The following STK33 variants were observed in gnomAD, a reference collection of about 807,000 sequenced individuals.
The protein encoded by STK33 is serine/threonine-protein kinase 33.
In STK33, 52 loss-of-function variants were observed where a neutral mutation model predicts 58.0. The observed-to-expected ratio is 0.90, with a 90% CI of 0.72 to 1.13. The LOEUF (loss-of-function observed/expected upper bound fraction) is 1.13. Among genes scored for constraint, STK33 ranks in the 50% most tolerant of loss-of-function variants. STK33 has a pLI of 0.00. For synonymous variants in STK33, 215 were observed against 200.1 expected, an observed-to-expected ratio of 1.07 and a Z score of -0.63; for missense variants, 630 against 604.2, an observed-to-expected ratio of 1.04 and a Z score of -0.45.
At chr11:8,447,827 G>A (rs1378666032) in intron 11 of STK33, among the ~76,000 whole-genome samples, 1 of 152,126 alleles carries the variant, frequency 6.6e-6, no homozygotes, top group Non-Finnish European at 1.5e-5. Context: ...TATTCAATTA[G>A]GAAAAGAGGA....
intron 11 of STK33, among the ~76,000 whole-genome samples, chr11:8,450,966 T>C (rs757587734): frequency 1.3e-5 from 2 of 152,186 alleles, no homozygotes; most frequent in Non-Finnish European, 2.9e-5. Flanking sequence ...CAGTAATCAT[T>C]AGGAAAATGC....
rs139392026 is a variant in STK33, at chr11:8,450,315, C to G, written c.871+2507G>C. Among the ~76,000 whole-genome samples the G allele has an allele frequency of 3.3e-5, 5 of 152,124 alleles. No homozygotes were observed. The East Asian group carries it at 9.6e-4, about 29-fold the overall frequency. ...GCAAAGTACCACAGGAACATAAAACCAAACACTCCATGTTCTCACTTATAA... is the reference window on the plus strand; with the variant it reads ...GCAAAGTACCACAGGAACATAAAACGAAACACTCCATGTTCTCACTTATAA... On this transcript the variant is annotated intron_variant, in intron 11 of 15. Transcript: ENST00000687296.
intron 1 of STK33, among the ~76,000 whole-genome samples, chr11:8,535,039 G>C (rs1317509688): frequency 1.3e-5 from 2 of 152,098 alleles, no homozygotes; most frequent in African/African-American, 4.8e-5. Flanking sequence ...CCCTAAGCCT[G>C]GTACAGAGAT....
intron 12 of STK33, among the ~76,000 whole-genome samples, chr11:8,437,388 A>G (rs1413898298): frequency 6.6e-6 from 1 of 152,340 alleles, no homozygotes; most frequent in East Asian, 1.9e-4. Context: ...CATCCTCATT[A>G]CTGTCAACTC....
chr11:8,420,456 C>T (rs1251364570), intron 14 of STK33, among the ~76,000 whole-genome samples: 2 of 152,156 alleles, frequency 1.3e-5, no homozygotes, highest in African/African-American at 4.8e-5. Flanking sequence ...AAGTGCATTT[C>T]GAATTGCCTG....
At chr11:8,470,340 T>C (rs1372124504) in intron 6 of STK33, among the ~76,000 whole-genome samples, 1 of 152,212 alleles carries the variant, frequency 6.6e-6, no homozygotes, top group Non-Finnish European at 1.5e-5. Flanking sequence ...TCCTACAATG[T>C]CCTCACTTCT....
At chr11:8,449,278 A>C (rs1945946251) in intron 11 of STK33, among the ~76,000 whole-genome samples, 1 of 151,604 alleles carries the variant, frequency 6.6e-6, no homozygotes, top group Admixed American at 6.6e-5. Context: ...CCATCCCATT[A>C]CTGGGTATAT....
intron 1 of STK33, among the ~76,000 whole-genome samples, chr11:8,558,718 C>T (rs1038010567): frequency 6.6e-6 from 1 of 152,100 alleles, no homozygotes; most frequent in African/African-American, 2.4e-5. Flanking sequence ...CTGCTGGGCT[C>T]GGTTCAACTA....
At chr11:8,485,631 A>G (rs1391048833) in intron 1 of STK33, among the ~76,000 whole-genome samples, 4 of 152,232 alleles carry the variant, frequency 2.6e-5, no homozygotes, top group African/African-American at 4.8e-5. Context: ...AGTTGACTAT[A>G]AAGTTGACCA....
chr11:8,424,115 T>C (rs1406132324), intron 14 of STK33, among the ~76,000 whole-genome samples: 1 of 151,392 alleles, frequency 6.6e-6, no homozygotes, highest in Non-Finnish European at 1.5e-5. Flanking sequence ...ATTAGGCATA[T>C]CTCCTAATGC....
At position 8,442,487 on chromosome 11, in the gene STK33, G is replaced by A. The variant is rs561570144; in HGVS notation, c.872-1734C>T. ...TGCACTGTCATCCCAGCCCTCATAG[G>A]GATGCAGAGGCCAGAGTAACTGCCA... On this transcript the variant is annotated intron_variant, in intron 11 of 15. Coordinates refer to ENST00000687296, the MANE Select transcript of STK33 (RefSeq NM_001352389.2). Among the ~76,000 whole-genome samples, 4 of 152,234 alleles carry A rather than the reference G, an allele frequency of 2.6e-5. No homozygotes were observed. In the East Asian group the frequency reaches 7.7e-4, roughly 29 times the overall value.
downstream of STK33, among the ~76,000 whole-genome samples, chr11:8,386,981 C>T (rs1317529899): frequency 6.6e-6 from 1 of 152,210 alleles, no homozygotes; most frequent in African/African-American, 2.4e-5. Flanking sequence ...GAGGAAAGAA[C>T]GGAGCCTCTT....
chr11:8,575,143 T>C (rs1233297182), intron 1 of STK33, among the ~76,000 whole-genome samples: 1 of 152,222 alleles, frequency 6.6e-6, no homozygotes, highest in African/African-American at 2.4e-5. Context: ...CCTCATACAT[T>C]GCTGCTGGGA....
At chr11:8,491,471 G>C (rs926695701) in intron 1 of STK33, among the ~76,000 whole-genome samples, 6 of 152,200 alleles carry the variant, frequency 3.9e-5, no homozygotes, top group Non-Finnish European at 8.8e-5. Flanking sequence ...CGTTTGATTG[G>C]TGAAACTGAA....
At chr11:8,343,703 C>A in the STK33 span, among the ~76,000 whole-genome samples, 11 of 152,132 alleles carry the variant, frequency 7.2e-5, no homozygotes, top group African/African-American at 2.7e-4. Context: ...CCTTCCCCAG[C>A]ACCCCCTCTC....
At chr11:8,344,710 G>T in the STK33 span, among the ~76,000 whole-genome samples, 11 of 152,328 alleles carry the variant, frequency 7.2e-5, no homozygotes, top group East Asian at 1.7e-3. Context: ...TCCTTCTAGG[G>T]TGTGGAAAGT....
At chr11:8,557,781 A>G (rs1956867972) in intron 1 of STK33, among the ~76,000 whole-genome samples, 1 of 152,228 alleles carries the variant, frequency 6.6e-6, no homozygotes, top group Non-Finnish European at 1.5e-5. Context: ...GCTTTGAAAA[A>G]AAAAAAGTAA....
intron 4 of STK33, chr11:8,475,564 T>C (rs1373876115): frequency 6.6e-5 from 10 of 152,212 alleles, no homozygotes; most frequent in Admixed American, 6.5e-4. Context: ...AATAATTCGA[T>C]TTTTAGAAAA....
chr11:8,567,044 G>A (rs1425314612), intron 1 of STK33, among the ~76,000 whole-genome samples: 1 of 152,210 alleles, frequency 6.6e-6, no homozygotes, highest in Non-Finnish European at 1.5e-5. Flanking sequence ...GGAGGCTGAG[G>A]TGGGAGGACT....
Sources: gnomAD v4.1 joint callset for allele counts (sites outside exome capture counted in the v4.1 genomes callset) on GRCh38, gnomAD v4.1.1 for gene constraint, MANE v1.5 for transcripts, NCBI Gene and HGNC (gene_info 2026-07-23, HGNC 2026-07-21) for gene names.